CCDC141: variants seen among roughly 807,000 people sequenced by gnomAD.
The protein encoded by CCDC141 is coiled-coil domain containing 141.
Under a neutral mutation model 181.0 loss-of-function variants are expected in CCDC141, and 168 were observed. The observed-to-expected ratio is 0.93, with a 90% CI of 0.82 to 1.05. The LOEUF (loss-of-function observed/expected upper bound fraction) is 1.05, where lower values mean the gene tolerates loss of function less well. Among genes scored for constraint, CCDC141 ranks in the 50% least tolerant of loss-of-function variants. The pLI, the probability that CCDC141 is intolerant of heterozygous loss-of-function variation, is 0.00. For synonymous variants in CCDC141, 666 were observed against 642.3 expected (o/e 1.04, Z -0.56); for missense variants, 1,902 against 1,788.5 (o/e 1.06, Z -1.14).
chr2:178,954,772 T>C (rs529987670), intron 5 of CCDC141, among the ~76,000 whole-genome samples: 1 of 152,182 alleles, frequency 6.6e-6, no homozygotes, highest in South Asian at 2.1e-4. Flanking sequence ...AATGTAAAGA[T>C]TGATAGCTCC....
chr2:178,855,702 C>A (rs986101651), intron 18 of CCDC141, among the ~76,000 whole-genome samples, 161 bp from the exon 19 acceptor site: 2 of 152,088 alleles, frequency 1.3e-5, no homozygotes, highest in African/African-American at 2.4e-5. Flanking sequence ...GGGTTTCCCC[C>A]CAAATTCTAT....
At chr2:178,911,767 ATCTC>A (rs1177221618) in intron 7 of CCDC141, among the ~76,000 whole-genome samples, 1 of 152,190 alleles carries the variant, frequency 6.6e-6, no homozygotes, top group Non-Finnish European at 1.5e-5. Flanking sequence ...TTAGGACACA[ATCTC>A]TCTCTAAGGC....
intron 2 of CCDC141, among the ~76,000 whole-genome samples, chr2:179,044,025 G>A (rs927492516): frequency 6.6e-6 from 1 of 152,128 alleles, no homozygotes; most frequent in Non-Finnish European, 1.5e-5. Flanking sequence ...GGCAAGCTGA[G>A]ACCCAAATCA....
At chr2:178,827,605 T>C (rs1561610683), downstream of CCDC141, among the ~76,000 whole-genome samples, 2 of 152,162 alleles carry the variant, frequency 1.3e-5, no homozygotes. Flanking sequence ...GAAAAGTTAC[T>C]GATGGACTGA....
intron 6 of CCDC141, among the ~76,000 whole-genome samples, chr2:178,942,661 T>A (rs2154377057): frequency 6.6e-6 from 1 of 152,216 alleles, no homozygotes; most frequent in African/African-American, 2.4e-5. Context: ...CAATGAACTT[T>A]GGGTAATAAT....
chr2:178,844,392 A>G (rs1248775119), intron 22 of CCDC141, among the ~76,000 whole-genome samples: 1 of 152,194 alleles, frequency 6.6e-6, no homozygotes, highest in Non-Finnish European at 1.5e-5. Flanking sequence ...TGCGTAGGAC[A>G]GCTCCCCACA....
intron 4 of CCDC141, among the ~76,000 whole-genome samples, chr2:178,974,852 A>G (rs1691049289): frequency 6.6e-6 from 1 of 152,170 alleles, no homozygotes; most frequent in Non-Finnish European, 1.5e-5. Flanking sequence ...TCCTGGAGGC[A>G]TATCCTCTAC....
intron 23 of CCDC141, among the ~76,000 whole-genome samples, chr2:178,835,425 A>G (rs1384668225): frequency 1.3e-5 from 2 of 152,234 alleles, no homozygotes; most frequent in African/African-American, 4.8e-5. Flanking sequence ...ATAAAGAAAT[A>G]ATTTTATTTT....
intron 2 of CCDC141, among the ~76,000 whole-genome samples, chr2:179,028,815 G>A (rs760799783): frequency 1.6e-4 from 24 of 151,798 alleles, no homozygotes; most frequent in Non-Finnish European, 2.2e-4. Flanking sequence ...AAATTCCAAC[G>A]TCTATTAATA....
In CCDC141 at chr2:178,837,466, C is replaced by T. The variant is rs185286713; in HGVS notation, c.3753G>A (p.Val1251=). The T allele has an allele frequency of 5.0e-5, 81 of 1,614,064 alleles. No individual in the cohort carries two copies. In the East Asian group the frequency reaches 1.8e-3, roughly 36 times the overall value. The change falls in exon 23 of 24, where the codon GTG becomes GTA. Residue 1251 remains valine (V), a synonymous_variant. Coordinates refer to ENST00000443758, the MANE Select transcript of CCDC141 (RefSeq NM_173648.4). The stretch of plus-strand genomic sequence containing the variant: ...CCCCTGGGCTGCTGGTCCCAGCCTG[C>T]ACCCCATAGCTGCTTATGTGAAGGC... ...SLSLHISSYG[V]QAGTSSPGDA... is the part of the protein sequence containing the mutation.
chr2:178,837,217 C>A lies in CCDC141; in HGVS notation c.4002G>T (p.Gln1334His), dbSNP rs1561620421. Residue 1334 changes from glutamine to histidine, a missense_variant, in exon 23 of 24, where the codon CAG becomes CAT. Physicochemically the swap from Gln to His is conservative, Grantham distance 24. Transcript: ENST00000443758. ...GCAAACCACCCTGAGCCTGAGGGTG[C>A]TGCTGTAAAGCTCTCTCATGCACTT... ...MSEVHERALQ[Q>H]HPQAQGGLLE... The A allele has an allele frequency of 6.2e-7, 1 of 1,614,012 alleles. No individual in the cohort carries two copies. The highest frequency in any genetic ancestry group is 8.5e-7 in the Non-Finnish European group (1 of 1,179,948).
At chr2:178,822,672 C>T in the CCDC141 span, among the ~76,000 whole-genome samples, 1 of 152,116 alleles carries the variant, frequency 6.6e-6, no homozygotes, top group East Asian at 1.9e-4. Context: ...CCTACATTTA[C>T]CCAATTAAAA....
downstream of CCDC141, among the ~76,000 whole-genome samples, chr2:178,826,003 A>G (rs1006678505): frequency 1.4e-4 from 21 of 152,166 alleles, no homozygotes; most frequent in African/African-American, 5.1e-4. Context: ...GTTTCCAGTC[A>G]ACATTGAATA....
chr2:178,899,822 A>T (rs1018966478), intron 8 of CCDC141, among the ~76,000 whole-genome samples: 4 of 152,184 alleles, frequency 2.6e-5, no homozygotes, highest in Non-Finnish European at 4.4e-5. Context: ...TTGAAATATT[A>T]TCCTTACATT....
chr2:178,904,984 C>A (rs1204960799), intron 8 of CCDC141, among the ~76,000 whole-genome samples: 1 of 152,122 alleles, frequency 6.6e-6, no homozygotes, highest in Admixed American at 6.5e-5. Flanking sequence ...GACTCATGAA[C>A]CAAAGGGAAG....
intron 12 of CCDC141, chr2:178,874,872 G>C (rs991442027): frequency 2.0e-5 from 3 of 152,160 alleles, no homozygotes; most frequent in Non-Finnish European, 4.4e-5. Flanking sequence ...AAAATACCAG[G>C]GGTATATCGG....
chr2:178,983,019 G>C (rs1305274197), intron 2 of CCDC141, among the ~76,000 whole-genome samples: 3 of 152,198 alleles, frequency 2.0e-5, no homozygotes. Context: ...GCAGGGCACA[G>C]ACAAACAAAA....
At chr2:179,034,893 A>G (rs1321585571) in intron 2 of CCDC141, among the ~76,000 whole-genome samples, 11 of 152,214 alleles carry the variant, frequency 7.2e-5, no homozygotes, top group Non-Finnish European at 1.6e-4. Context: ...TCTTATCAAT[A>G]TGAAGGATTA....
At chr2:178,874,870 AG>A (rs1686288281) in intron 12 of CCDC141, 1 of 152,362 alleles carries the variant, frequency 6.6e-6, no homozygotes, top group Admixed American at 6.5e-5. Context: ...ACAAAATACC[AG>A]GGGTATATCG....
Sources: allele counts gnomAD v4.1 joint callset (sites outside exome capture counted in the v4.1 genomes callset), GRCh38; gene constraint gnomAD v4.1.1; transcripts MANE v1.5; gene names NCBI Gene and HGNC (gene_info 2026-07-23, HGNC 2026-07-21).